PIGG: variants seen among roughly 807,000 people sequenced by gnomAD.
PIGG encodes the protein phosphatidylinositol glycan anchor biosynthesis class G (EMM blood group).
In PIGG, 70 loss-of-function variants were observed where a neutral mutation model predicts 83.2. The observed-to-expected ratio is 0.84, with a 90% CI of 0.69 to 1.03. PIGG has a LOEUF of 1.03. Among genes scored for constraint, PIGG ranks in the 50% least tolerant of loss-of-function variants. The probability of loss-of-function intolerance (pLI) is 0.00; values close to 1 mark genes in which losing one functional copy is unlikely to be tolerated. For synonymous variants in PIGG, 532 were observed against 519.5 expected, an observed-to-expected ratio of 1.02 and a Z score of -0.33; for missense variants, 1,257 against 1,233.6, an observed-to-expected ratio of 1.02 and a Z score of -0.28.
intron 10 of PIGG, chr4:527,951 G>C: frequency 1.0e-6 from 1 of 985,410 alleles, no homozygotes; most frequent in South Asian, 4.7e-5. Context: ...AGGAGCCTGG[G>C]ATGGGACAGA....
At chr4:520,906 C>T (rs1725647497) in intron 6 of PIGG, 150 bp from the exon 7 acceptor site, 1 of 635,010 alleles carries the variant, frequency 1.6e-6, no homozygotes, top group South Asian at 1.9e-5. Context: ...ACCCCCCACC[C>T]AAAGGAATGA....
In PIGG at chr4:539,232, A is replaced by G. The variant is rs763722192; in HGVS notation, c.2815A>G (p.Thr939Ala). The stretch of plus-strand genomic sequence containing the variant: ...AGTTTTCACGTACATCGTTTTGGTG[A>G]CATCTCTGCGTTATCATTTATTTAT... ...IPVFTYIVLV[T>A]SLRYHLFIWS... Residue 939 changes from threonine (T) to alanine (A), a missense_variant, in exon 13 of 13, where the codon ACA becomes GCA. Transcript: ENST00000453061. 6.2e-7 allele frequency: 1 copy of G among 1,612,964 alleles called. No individual in the cohort carries two copies. The highest frequency in any genetic ancestry group is 8.5e-7 in the Non-Finnish European group (1 of 1,178,882).
At chr4:512,487 AT>A (rs1560301146) in intron 5 of PIGG, among the ~76,000 whole-genome samples, 2 of 151,752 alleles carry the variant, frequency 1.3e-5, no homozygotes, top group African/African-American at 4.8e-5. Flanking sequence ...CCATTATCAT[AT>A]TTTTTTAACA....
chr4:503,695 G>C (rs910316934), intron 2 of PIGG, among the ~76,000 whole-genome samples: 2 of 152,186 alleles, frequency 1.3e-5, no homozygotes, highest in Admixed American at 6.5e-5. Context: ...GGAATGCTCT[G>C]TAGCTGTTTG....
Position 523,444 on chromosome 4 carries a change from C to G in PIGG, c.1615-15C>G, listed in dbSNP as rs1373361482. The G allele has an allele frequency of 3.2e-6, 5 of 1,580,166 alleles. No individual in the cohort carries two copies. Among genetic ancestry groups the G allele is most frequent in the Non-Finnish European group, 4.3e-6 (5 of 1,157,270 alleles). On this transcript the variant is annotated splice_polypyrimidine_tract_variant and intron_variant, in intron 8 of 12. Coordinates refer to ENST00000453061, the MANE Select transcript of PIGG (RefSeq NM_001127178.3). ...ATCAGACCGTCTCTTACAAAGTGCA[C>G]TTTCCTTTTCACAGAACCCCATGCA...
At chr4:529,821 G>C (rs531034423) in intron 10 of PIGG, among the ~76,000 whole-genome samples, 4 of 152,308 alleles carry the variant, frequency 2.6e-5, no homozygotes, top group African/African-American at 9.6e-5. Flanking sequence ...AGTCTTGATT[G>C]ACACGCCCGA....
chr4:530,773 T>C (rs1484404784), intron 11 of PIGG, 28 bp downstream of exon 11: 1 of 1,384,436 alleles, frequency 7.2e-7, no homozygotes, highest in African/African-American at 1.5e-5. Flanking sequence ...TCATGGGTAG[T>C]AGACTTCATG....
chr4:525,470 G>A, intron 9 of PIGG: 2 of 511,270 alleles, frequency 3.9e-6, no homozygotes, highest in Middle Eastern at 1.0e-3. Context: ...AAGGAAAAGG[G>A]AAATGCCTAG....
In PIGG at chr4:523,727, G is replaced by A. The variant is rs1470634865; in HGVS notation, c.1883G>A (p.Cys628Tyr). Reference protein sequence around the residue: ...ATAAWQDGPGCDVLERDKGHG... With the variant: ...ATAAWQDGPGYDVLERDKGHG... ...GCAGCGTGGCAGGACGGGCCTGGCT[G>A]TGATGTCCTGGAGCGAGACAAAGGC... The change falls in exon 9 of 13, where the codon TGT (cysteine) becomes TAT (tyrosine). Residue 628 changes from cysteine to tyrosine, a missense_variant. Coordinates refer to ENST00000453061, the MANE Select transcript of PIGG (RefSeq NM_001127178.3). The A allele has an allele frequency of 6.2e-7, 1 of 1,614,198 alleles. No individual in the cohort carries two copies. The highest frequency in any genetic ancestry group is 8.5e-7 in the Non-Finnish European group (1 of 1,180,040).
chr4:520,947 G>T, intron 6 of PIGG, 109 bp from the exon 7 acceptor site: 1 of 755,486 alleles, frequency 1.3e-6, no homozygotes, highest in Non-Finnish European at 2.3e-6. Context: ...GTTGTGAAAA[G>T]TGAAGGCTTT....
intron 4 of PIGG, among the ~76,000 whole-genome samples, chr4:508,018 ACT>A (rs1253233636): frequency 2.7e-5 from 4 of 150,530 alleles, no homozygotes; most frequent in Admixed American, 6.6e-5. Flanking sequence ...GTTCTGTGTC[ACT>A]CTGTCTGTTC....
chr4:518,560 T>C (rs888059725), intron 6 of PIGG, among the ~76,000 whole-genome samples: 10 of 152,318 alleles, frequency 6.6e-5, no homozygotes, highest in Middle Eastern at 3.4e-3. Context: ...GACACTGCAC[T>C]CCAGCCTGGG....
rs1723697329 is a variant in PIGG, at chr4:515,989, A to G, written c.918A>G (p.Pro306=). The G allele has an allele frequency of 1.9e-6, 3 of 1,613,944 alleles. No homozygotes were observed. Among genetic ancestry groups the G allele is most frequent in the Non-Finnish European group, 2.5e-6 (3 of 1,179,864 alleles). The change falls in exon 6 of 13, where the codon CCA becomes CCG. Residue 306 remains proline (P), a synonymous_variant. Transcript: ENST00000453061. This position sits in a 1 kb window ranked among gnomAD's most constrained non-coding sequence, Gnocchi z 4.2. ...FERKPGDIRH[P]KHVQQTDVAA... Reference sequence around the variant, plus strand: ...TTCTTCTAGGTGATATCCGACATCCAAAGCACGTCCAACAGACGGATGTGG... The same window carrying G: ...TTCTTCTAGGTGATATCCGACATCCGAAGCACGTCCAACAGACGGATGTGG...
chr4:500,431 C>T lies in PIGG; in HGVS notation c.190C>T (p.Leu64Phe), dbSNP rs782037426. Reference sequence around the variant, plus strand: ...TAACTGGACCACGCTGCCACCACCTCTCTTCAGTAAAGTTGTTATTGTTCT... The same window carrying T: ...TAACTGGACCACGCTGCCACCACCTTTCTTCAGTAAAGTTGTTATTGTTCT... ...SSNWTTLPPP[L>F]FSKVVIVLID... The change falls in exon 2 of 13, where the codon CTC (leucine) becomes TTC (phenylalanine). Residue 64 changes from leucine to phenylalanine, a missense_variant. Transcript: ENST00000453061. The T allele has an allele frequency of 2.5e-6, 4 of 1,614,072 alleles. No homozygotes were observed. Among genetic ancestry groups the T allele is most frequent in the South Asian group, 2.2e-5 (2 of 91,080 alleles).
At chr4:535,596 C>T (rs1258731834) in intron 12 of PIGG, among the ~76,000 whole-genome samples, 1 of 152,166 alleles carries the variant, frequency 6.6e-6, no homozygotes, top group Non-Finnish European at 1.5e-5. Flanking sequence ...GTGGCCTCTC[C>T]GCTGAGCAGT....
chr4:527,277 G>T, intron 10 of PIGG, 47 bp downstream of exon 10: 1 of 1,519,524 alleles, frequency 6.6e-7, no homozygotes. Context: ...TTTACTGTTT[G>T]AAGAACTGGC....
chr4:500,548 C>T lies in PIGG; in HGVS notation c.307C>T (p.His103Tyr). The change falls in exon 2 of 13, where the codon CAC becomes TAC. Residue 103 changes from histidine (H) to tyrosine (Y), a missense_variant. By Grantham distance (83) the His-to-Tyr change is moderately conservative. Coordinates refer to ENST00000453061, the MANE Select transcript of PIGG (RefSeq NM_001127178.3). ...TTACCTTGTGGAAAAAGGAGCATCTCACAGTTTTGTGGCTGAAGCAAAGCC... is the reference window on the plus strand; with the variant it reads ...TTACCTTGTGGAAAAAGGAGCATCTTACAGTTTTGTGGCTGAAGCAAAGCC... Reference protein sequence around the residue: ...TTYLVEKGASHSFVAEAKPPT... With the variant: ...TTYLVEKGASYSFVAEAKPPT... 1 of 1,613,666 alleles carries T rather than the reference C, an allele frequency of 6.2e-7. No homozygotes were observed. The highest frequency in any genetic ancestry group is 8.5e-7 in the Non-Finnish European group (1 of 1,179,574).
At chr4:530,992 T>G (rs1728921289) in intron 11 of PIGG, 2 of 503,850 alleles carry the variant, frequency 4.0e-6, no homozygotes, top group African/African-American at 3.9e-5. Flanking sequence ...CCTGGGTTTA[T>G]TTATTACAAG....
intron 12 of PIGG, among the ~76,000 whole-genome samples, chr4:537,572 G>A (rs931085301): frequency 6.6e-6 from 1 of 152,172 alleles, no homozygotes; most frequent in East Asian, 1.9e-4. Flanking sequence ...GGGGTCCCCG[G>A]CCTGTGGGGC....
Sources: allele counts gnomAD v4.1 joint callset (sites outside exome capture counted in the v4.1 genomes callset), GRCh38; gene constraint gnomAD v4.1.1; non-coding constraint Gnocchi (gnomAD v3.1); transcripts MANE v1.5; gene names NCBI Gene and HGNC (gene_info 2026-07-23, HGNC 2026-07-21).